Variants in GNG7 observed in about 807,000 individuals in gnomAD.
The protein encoded by GNG7 is guanine nucleotide-binding protein G(I)/G(S)/G(O) subunit gamma-7.
Under a neutral mutation model 4.0 loss-of-function variants are expected in GNG7, and 1 was observed. The observed-to-expected ratio is 0.25, with a 90% CI of 0.09 to 1.18. The LOEUF (loss-of-function observed/expected upper bound fraction) is 1.18. Among genes scored for constraint, GNG7 ranks in the 50% most tolerant of loss-of-function variants. The pLI is 0.50. For missense variants in GNG7, 86 were observed against 91.9 expected (o/e 0.94, Z 0.26); for synonymous variants, 34 against 36.9 (o/e 0.92, Z 0.29).
chr19:2,527,678 C>G (rs1978450538), intron 3 of GNG7, among the ~76,000 whole-genome samples: 1 of 152,220 alleles, frequency 6.6e-6, no homozygotes. Context: ...TACAGGCCCT[C>G]TCCCTCTGGC....
intron 2 of GNG7, among the ~76,000 whole-genome samples, chr19:2,598,573 T>C (rs1031977824): frequency 8.6e-5 from 13 of 151,310 alleles, no homozygotes; most frequent in East Asian, 5.9e-4. Context: ...AGGAGAATGG[T>C]GTGAACCCAG....
chr19:2,683,457 C>T (rs1025777724), intron 1 of GNG7: 2 of 152,316 alleles, frequency 1.3e-5, no homozygotes, highest in African/African-American at 4.8e-5. Flanking sequence ...ATACTCTCCA[C>T]GCCTTCTGTG....
chr19:2,665,906 T>C lies in GNG7; in HGVS notation c.-134-19626A>G, dbSNP rs1173433701. Among the ~76,000 whole-genome samples, 3 of 152,228 alleles carry C rather than the reference T, an allele frequency of 2.0e-5. No homozygotes were observed. The East Asian group carries it at 5.8e-4, about 29-fold the overall frequency. On this transcript the variant is annotated intron_variant, in intron 1 of 4. Transcript: ENST00000382159. ...TTTTTTGAGATGGAGTCTTGCTCTG[T>C]CATCCAGGCTAGAGTGCAGTGGTGC...
At chr19:2,688,019 G>A (rs1414939832) in intron 1 of GNG7, among the ~76,000 whole-genome samples, 5 of 152,066 alleles carry the variant, frequency 3.3e-5, no homozygotes, top group Middle Eastern at 3.2e-3. Flanking sequence ...TTGGGAGGCC[G>A]AGCTGGGCAG....
intron 2 of GNG7, among the ~76,000 whole-genome samples, chr19:2,630,238 T>G (rs879009904): frequency 3.3e-5 from 5 of 152,034 alleles, no homozygotes; most frequent in Non-Finnish European, 1.5e-5. Flanking sequence ...CCCCTTCCCT[T>G]TGCCACCAAG....
chr19:2,599,648 G>C (rs1454100201), intron 2 of GNG7, among the ~76,000 whole-genome samples: 2 of 152,136 alleles, frequency 1.3e-5, no homozygotes, highest in Admixed American at 6.6e-5. Flanking sequence ...ATGAAAACCG[G>C]GGGTTAGGCC....
At chr19:2,688,371 G>A (rs1308296322) in intron 1 of GNG7, among the ~76,000 whole-genome samples, 2 of 152,214 alleles carry the variant, frequency 1.3e-5, no homozygotes, top group African/African-American at 4.8e-5. Context: ...AATGACCTCA[G>A]AGTAGCTGGT....
chr19:2,624,968 G>T (rs1251792822), intron 2 of GNG7, among the ~76,000 whole-genome samples: 2 of 152,218 alleles, frequency 1.3e-5, no homozygotes, highest in Non-Finnish European at 2.9e-5. Context: ...TTCCTTGTGG[G>T]TGCAGAGCCG....
At chr19:2,577,377 G>A (rs993694769) in intron 2 of GNG7, among the ~76,000 whole-genome samples, 7 of 152,132 alleles carry the variant, frequency 4.6e-5, no homozygotes, top group Non-Finnish European at 8.8e-5. Flanking sequence ...TGTAGGACCG[G>A]GGTCCCTGTT....
At chr19:2,580,669 C>G (rs908466613) in intron 2 of GNG7, among the ~76,000 whole-genome samples, 1 of 152,064 alleles carries the variant, frequency 6.6e-6, no homozygotes, top group Non-Finnish European at 1.5e-5. Flanking sequence ...GGTGCAATCA[C>G]AGCTCACTGC....
chr19:2,615,454 G>GTT (rs56036626), intron 2 of GNG7, among the ~76,000 whole-genome samples: 3 of 48,814 alleles, frequency 6.1e-5, no homozygotes, highest in Non-Finnish European at 3.8e-5. Context: ...GTCTTTTCCG[G>GTT]TTTTTTTTTT....
rs1972654183 is a variant in GNG7 at position 2,511,429 on chromosome 19, G to C, written c.*3593C>G. 1 of 152,416 alleles carries C rather than the reference G, an allele frequency of 6.6e-6. No homozygotes were observed. Among genetic ancestry groups the C allele is most frequent in the African/African-American group, 2.4e-5 (1 of 41,482 alleles). 9.4% of individuals were successfully genotyped at this position (152,416 alleles called of 1,614,324 possible). ...GAAACAGGAGACAGGTCTTTACGAA[G>C]GTTAGATGGGCAGCGGTTCCGTGGA... On this transcript the variant is annotated 3_prime_UTR_variant, in exon 5 of 5. Transcript: ENST00000382159. The surrounding 1 kb of genome is among the most constrained non-coding windows in gnomAD (Gnocchi z 6.3).
chr19:2,663,078 T>C (rs1330096102), intron 1 of GNG7, among the ~76,000 whole-genome samples: 1 of 152,188 alleles, frequency 6.6e-6, no homozygotes, highest in Non-Finnish European at 1.5e-5. Context: ...ATGCTTGCTG[T>C]TTAAGCTAAG....
chr19:2,608,274 C>T (rs1399208764), intron 2 of GNG7, among the ~76,000 whole-genome samples: 2 of 151,764 alleles, frequency 1.3e-5, no homozygotes, highest in African/African-American at 4.8e-5. Flanking sequence ...AAGAGTAATA[C>T]CTGCTGCGGA....
chr19:2,613,125 A>G (rs1282198906), intron 2 of GNG7, among the ~76,000 whole-genome samples: 2 of 151,488 alleles, frequency 1.3e-5, no homozygotes, highest in Non-Finnish European at 1.5e-5. Context: ...GGACGTGGAA[A>G]AGGAATTCAG....
intron 2 of GNG7, among the ~76,000 whole-genome samples, chr19:2,568,314 C>T (rs986085782): frequency 5.6e-4 from 58 of 103,520 alleles, no homozygotes; most frequent in Middle Eastern, 5.7e-3. Flanking sequence ...CACATACACA[C>T]GCACACACAC....
At chr19:2,681,784 T>C (rs1385168866) in intron 1 of GNG7, among the ~76,000 whole-genome samples, 1 of 152,160 alleles carries the variant, frequency 6.6e-6, no homozygotes, top group Non-Finnish European at 1.5e-5. Flanking sequence ...TGTGATTGTT[T>C]GTTGTTTTGG....
At chr19:2,629,975 T>C (rs1982116150) in intron 2 of GNG7, among the ~76,000 whole-genome samples, 1 of 152,092 alleles carries the variant, frequency 6.6e-6, no homozygotes, top group Admixed American at 6.6e-5. Context: ...CTCTGTGTGA[T>C]TTTTGCAACT....
At chr19:2,577,780 T>C (rs1980386689) in intron 2 of GNG7, among the ~76,000 whole-genome samples, 2 of 151,768 alleles carry the variant, frequency 1.3e-5, no homozygotes, top group African/African-American at 4.8e-5. Flanking sequence ...ATATTTATAT[T>C]GAGAAATAAA....
Sources: gnomAD v4.1 joint callset for allele counts (sites outside exome capture counted in the v4.1 genomes callset) on GRCh38, gnomAD v4.1.1 for gene constraint, Gnocchi (gnomAD v3.1) non-coding constraint, MANE v1.5 for transcripts, NCBI Gene and HGNC (gene_info 2026-07-23, HGNC 2026-07-21) for gene names.